CPEB3: variants seen among roughly 807,000 people sequenced by gnomAD.
CPEB3 encodes cytoplasmic polyadenylation element binding protein 3.
Under a neutral mutation model 67.2 loss-of-function variants are expected in CPEB3, and 20 were observed. That is an observed-to-expected ratio of 0.30 (90% CI 0.21 to 0.43). The LOEUF (loss-of-function observed/expected upper bound fraction) is 0.43. Ranked by LOEUF, CPEB3 falls within the 20% of genes least tolerant of loss-of-function variation. The pLI, the probability that CPEB3 is intolerant of heterozygous loss-of-function variation, is 1.00. For synonymous variants in CPEB3, 376 were observed against 393.1 expected (o/e 0.96, Z 0.51); for missense variants, 746 against 968.6 (o/e 0.77, Z 3.05).
chr10:92,186,245 G>A (rs949086145), intron 3 of CPEB3, among the ~76,000 whole-genome samples: 1 of 150,914 alleles, frequency 6.6e-6, no homozygotes, highest in African/African-American at 2.4e-5. Flanking sequence ...AAAAAATTAG[G>A]TGGGTATGGT....
intron 9 of CPEB3, among the ~76,000 whole-genome samples, chr10:92,053,222 G>C (rs1177158456): frequency 2.0e-5 from 3 of 152,270 alleles, no homozygotes; most frequent in African/African-American, 7.2e-5. Flanking sequence ...TTTCATCATA[G>C]CCCTTTAGGG....
At chr10:92,099,285 T>C (rs1241977664) in intron 7 of CPEB3, among the ~76,000 whole-genome samples, 1 of 149,188 alleles carries the variant, frequency 6.7e-6, no homozygotes, top group East Asian at 2.0e-4. Flanking sequence ...CAGTAGTACA[T>C]GGAGTACAGG....
intron 1 of CPEB3, among the ~76,000 whole-genome samples, chr10:92,258,990 T>C (rs1314529808): frequency 1.3e-5 from 2 of 150,446 alleles, no homozygotes; most frequent in African/African-American, 2.5e-5. Context: ...TTTGAGACAG[T>C]CTCACTCCGT....
At chr10:92,105,381 T>C (rs1844395056) in intron 7 of CPEB3, among the ~76,000 whole-genome samples, 1 of 152,212 alleles carries the variant, frequency 6.6e-6, no homozygotes, top group Non-Finnish European at 1.5e-5. Context: ...TTTCACATAT[T>C]TGTGCTCCAT....
intron 9 of CPEB3, among the ~76,000 whole-genome samples, chr10:92,058,295 C>G (rs556843364): frequency 2.6e-5 from 4 of 152,246 alleles, no homozygotes; most frequent in Non-Finnish European, 5.9e-5. Flanking sequence ...CCTGTAATAC[C>G]TGCACTTTGG....
chr10:92,212,358 C>G (rs1033985588), intron 2 of CPEB3, among the ~76,000 whole-genome samples: 1 of 151,892 alleles, frequency 6.6e-6, no homozygotes, highest in Admixed American at 6.6e-5. Context: ...TCAACCAATT[C>G]TCCTGCCTCA....
chr10:92,185,974 T>C (rs1380502896), intron 3 of CPEB3, among the ~76,000 whole-genome samples: 1 of 152,182 alleles, frequency 6.6e-6, no homozygotes, highest in Non-Finnish European at 1.5e-5. Context: ...GGTCAAATCC[T>C]AGTTTATTCA....
At chr10:92,136,359 G>A (rs1375796830) in intron 6 of CPEB3, among the ~76,000 whole-genome samples, 1 of 152,048 alleles carries the variant, frequency 6.6e-6, no homozygotes, top group Non-Finnish European at 1.5e-5. Flanking sequence ...AAGTTAAAAA[G>A]CTTCTGCACA....
In CPEB3 at chr10:92,239,197, C is replaced by A; in HGVS notation, c.1005+149G>T. On this transcript the variant is annotated intron_variant, in intron 2 of 9. Coordinates refer to ENST00000265997, the MANE Select transcript of CPEB3 (RefSeq NM_014912.5). The surrounding 1 kb of genome is among the most constrained non-coding windows in gnomAD (Gnocchi z 6.0). ...ACCTCATCCTCTGATAATGGAACAGCCCTAAAGAACTGGAGGCTTCGGAAG... is the reference window on the plus strand; with the variant it reads ...ACCTCATCCTCTGATAATGGAACAGACCTAAAGAACTGGAGGCTTCGGAAG... 1.3e-6 allele frequency: 1 copy of A among 791,656 alleles called. No individual in the cohort carries two copies. Among genetic ancestry groups the A allele is most frequent in the South Asian group, 1.8e-5 (1 of 56,114 alleles). 49.0% of individuals were successfully genotyped at this position (791,656 alleles called of 1,614,324 possible).
At chr10:92,166,298 G>A (rs1847742175) in intron 4 of CPEB3, among the ~76,000 whole-genome samples, 1 of 151,882 alleles carries the variant, frequency 6.6e-6, no homozygotes, top group Non-Finnish European at 1.5e-5. Flanking sequence ...TAGTAGAGAT[G>A]AGGTTTCACC....
rs1852225345 is a variant in CPEB3 at position 92,049,816 on chromosome 10, A to G, written c.*2396T>C. The G allele has an allele frequency of 1.3e-5, 2 of 152,604 alleles. No homozygotes were observed. Among genetic ancestry groups the G allele is most frequent in the African/African-American group, 4.8e-5 (2 of 41,446 alleles). 9.5% of individuals were successfully genotyped at this position (152,604 alleles called of 1,614,324 possible). On this transcript the variant is annotated 3_prime_UTR_variant, in exon 10 of 10. Transcript: ENST00000265997. ...TTTTGCTTCTTTCACATAATTAGGT[A>G]GATTTCTGTAGGTTAGATATGATCT...
At position 92,050,794 on chromosome 10, in the gene CPEB3, C is replaced by G. The variant is rs967532552; in HGVS notation, c.*1418G>C. ...AGTTTGTCAATCTGACAACTTATCT[C>G]TATATCCTGTATATATTCTTAGTGT... On this transcript the variant is annotated 3_prime_UTR_variant, in exon 10 of 10. Transcript: ENST00000265997. 6.6e-6 allele frequency: 1 copy of G among 152,664 alleles called. No homozygotes were observed. The highest frequency in any genetic ancestry group is 1.5e-5 in the Non-Finnish European group (1 of 68,042). 9.5% of individuals were successfully genotyped at this position (152,664 alleles called of 1,614,324 possible).
chr10:92,213,199 C>A (rs1447331444), intron 2 of CPEB3, among the ~76,000 whole-genome samples: 2 of 152,166 alleles, frequency 1.3e-5, no homozygotes, highest in African/African-American at 4.8e-5. Context: ...CTTCTCCCAT[C>A]CTAAGACACT....
intron 7 of CPEB3, among the ~76,000 whole-genome samples, chr10:92,093,541 T>C (rs1183011073): frequency 6.6e-6 from 1 of 152,122 alleles, no homozygotes; most frequent in Non-Finnish European, 1.5e-5. Context: ...TTCCCCTTTT[T>C]GCCCAGGCTG....
rs371320857 is a variant in CPEB3, at chr10:92,162,393, C to G, written c.1223-17308G>C. 2.6e-5 allele frequency among the ~76,000 whole-genome samples: 4 copies of G among 151,928 alleles called. No homozygotes were observed. In the East Asian group the frequency reaches 5.8e-4, roughly 22 times the overall value. The stretch of plus-strand genomic sequence containing the variant: ...CAATATATTTATTAAATCATAGATA[C>G]ATATATTATGTATCTATGATTTGTG... On this transcript the variant is annotated intron_variant, in intron 4 of 9. Coordinates refer to ENST00000265997, the MANE Select transcript of CPEB3 (RefSeq NM_014912.5).
At chr10:92,272,985 A>G (rs1040288435) in intron 1 of CPEB3, among the ~76,000 whole-genome samples, 9 of 152,174 alleles carry the variant, frequency 5.9e-5, no homozygotes, top group African/African-American at 1.9e-4. Flanking sequence ...AAGGTAAGAG[A>G]TGCTGGTCAA....
intron 2 of CPEB3, among the ~76,000 whole-genome samples, chr10:92,197,971 T>G (rs1207856386): frequency 2.0e-5 from 3 of 152,100 alleles, no homozygotes; most frequent in Non-Finnish European, 4.4e-5. Flanking sequence ...GCCGGTGTGG[T>G]GGCACATGCC....
At chr10:92,153,293 T>C (rs1180035618) in intron 4 of CPEB3, among the ~76,000 whole-genome samples, 2 of 152,330 alleles carry the variant, frequency 1.3e-5, no homozygotes, top group South Asian at 2.1e-4. Flanking sequence ...ACGAGTTTGT[T>C]TGATTGGATT....
chr10:92,165,508 T>A (rs1366666112), intron 4 of CPEB3, among the ~76,000 whole-genome samples: 1 of 149,190 alleles, frequency 6.7e-6, no homozygotes, highest in East Asian at 2.0e-4. Context: ...TGAGGCAATA[T>A]CTTAAAAAAA....
Sources: allele counts gnomAD v4.1 joint callset (sites outside exome capture counted in the v4.1 genomes callset), GRCh38; gene constraint gnomAD v4.1.1; non-coding constraint Gnocchi (gnomAD v3.1); transcripts MANE v1.5; gene names NCBI Gene and HGNC (gene_info 2026-07-23, HGNC 2026-07-21).